Variants in ABCA13 observed in about 807,000 individuals in gnomAD.
ABCA13 encodes the protein ATP-binding cassette sub-family A member 13.
Under a neutral mutation model 478.7 loss-of-function variants are expected in ABCA13, and 476 were observed. That is an observed-to-expected ratio of 0.99 (90% CI 0.92 to 1.07). The LOEUF is 1.07. Among genes scored for constraint, ABCA13 ranks in the 50% least tolerant of loss-of-function variants. ABCA13 has a pLI of 0.00. For synonymous variants in ABCA13, 2,252 were observed against 2,158.9 expected (o/e 1.04, Z -1.20); for missense variants, 6,060 against 5,910.6 (o/e 1.03, Z -0.83).
chr7:48,588,746 G>C (rs549461645), intron 57 of ABCA13, among the ~76,000 whole-genome samples: 36 of 152,306 alleles, frequency 2.4e-4, no homozygotes, highest in African/African-American at 8.2e-4. Flanking sequence ...GTAAACCACA[G>C]TAAATATTCG....
At chr7:48,394,491 A>G (rs922089561) in intron 38 of ABCA13, among the ~76,000 whole-genome samples, 3 of 151,322 alleles carry the variant, frequency 2.0e-5, no homozygotes, top group African/African-American at 7.3e-5. Context: ...ACAACTTCCC[A>G]CTCACTCTCC....
At chr7:48,471,051 C>T (rs1254983762) in intron 44 of ABCA13, among the ~76,000 whole-genome samples, 1 of 152,096 alleles carries the variant, frequency 6.6e-6, no homozygotes, top group East Asian at 1.9e-4. Flanking sequence ...GTTTTCATAA[C>T]TGTTTCTGTT....
chr7:48,579,003 C>T (rs1036413851), intron 55 of ABCA13, among the ~76,000 whole-genome samples: 4 of 152,140 alleles, frequency 2.6e-5, no homozygotes, highest in African/African-American at 9.7e-5. Context: ...GGATCTATGA[C>T]CTGATTGTAA....
At chr7:48,592,340 G>A (rs530793323) in intron 57 of ABCA13, among the ~76,000 whole-genome samples, 1 of 151,644 alleles carries the variant, frequency 6.6e-6, no homozygotes, top group African/African-American at 2.4e-5. Context: ...TTGACCCATT[G>A]GTTGTTCAGG....
chr7:48,615,447 G>T, intron 59 of ABCA13, 70 bp downstream of exon 59: 2 of 1,394,716 alleles, frequency 1.4e-6, no homozygotes, highest in South Asian at 1.3e-5. Context: ...GGTTATGACT[G>T]GAGATGCTTT....
chr7:48,305,089 G>T (rs1431526019), intron 23 of ABCA13, among the ~76,000 whole-genome samples: 1 of 152,266 alleles, frequency 6.6e-6, no homozygotes, highest in East Asian at 1.9e-4. Context: ...TAGTAGTAAC[G>T]TCATTTTTGA....
intron 59 of ABCA13, among the ~76,000 whole-genome samples, chr7:48,642,935 C>G (rs1455346393): frequency 6.6e-6 from 1 of 152,224 alleles, no homozygotes; most frequent in African/African-American, 2.4e-5. Flanking sequence ...ATAAGGCCAG[C>G]AATCATGCTT....
intron 37 of ABCA13, among the ~76,000 whole-genome samples, chr7:48,391,443 A>C (rs1041162111): frequency 6.6e-6 from 1 of 152,192 alleles, no homozygotes; most frequent in Non-Finnish European, 1.5e-5. Context: ...TCATACAGCC[A>C]TTCTGCTTTT....
chr7:48,341,267 C>A (rs1325091868), intron 29 of ABCA13, among the ~76,000 whole-genome samples: 1 of 152,128 alleles, frequency 6.6e-6, no homozygotes, highest in African/African-American at 2.4e-5. Flanking sequence ...TATGTTGAGT[C>A]ATTTTGTCTG....
intron 20 of ABCA13, among the ~76,000 whole-genome samples, chr7:48,289,843 T>C (rs1163791279): frequency 1.3e-5 from 2 of 152,338 alleles, no homozygotes; most frequent in East Asian, 3.9e-4. Context: ...CTGTCTTTAA[T>C]GACAAAAATA....
chr7:48,282,327 T>C (rs1221861517), intron 19 of ABCA13, among the ~76,000 whole-genome samples: 1 of 152,154 alleles, frequency 6.6e-6, no homozygotes, highest in East Asian at 1.9e-4. Flanking sequence ...ACCACAGTTG[T>C]TTAAGTAATT....
intron 57 of ABCA13, among the ~76,000 whole-genome samples, chr7:48,591,259 G>T (rs1239114386): frequency 2.0e-5 from 3 of 151,846 alleles, no homozygotes; most frequent in African/African-American, 7.2e-5. Context: ...TAATTTCAGT[G>T]TATTTGTCAA....
intron 45 of ABCA13, among the ~76,000 whole-genome samples, chr7:48,475,124 C>G (rs1827937369): frequency 6.6e-6 from 1 of 152,170 alleles, no homozygotes; most frequent in Non-Finnish European, 1.5e-5. Context: ...TGCAAGAGTC[C>G]TTCCCTTTTG....
chr7:48,410,375 C>A, intron 39 of ABCA13, 145 bp from the exon 40 acceptor site: 1 of 965,244 alleles, frequency 1.0e-6, no homozygotes, highest in Non-Finnish European at 1.6e-6. Context: ...GCAAAGTGGC[C>A]AGGACGCATT....
At chr7:48,345,909 C>A (rs574272155) in intron 29 of ABCA13, among the ~76,000 whole-genome samples, 2 of 152,218 alleles carry the variant, frequency 1.3e-5, no homozygotes, top group East Asian at 3.9e-4. Context: ...CATTTAATAC[C>A]ATATAAAATC....
chr7:48,415,003 C>G (rs977614638), intron 41 of ABCA13, among the ~76,000 whole-genome samples: 3 of 152,172 alleles, frequency 2.0e-5, no homozygotes, highest in African/African-American at 7.2e-5. Flanking sequence ...AGACAGCAGT[C>G]TTCCCTGGGC....
At chr7:48,432,100 T>C (rs1822227633) in intron 42 of ABCA13, among the ~76,000 whole-genome samples, 1 of 152,158 alleles carries the variant, frequency 6.6e-6, no homozygotes, top group Admixed American at 6.5e-5. Context: ...AATATGTGTA[T>C]ACATTATATA....
At chr7:48,519,952 T>C in intron 52 of ABCA13, 89 bp from the exon 53 acceptor site, 1 of 1,342,728 alleles carries the variant, frequency 7.4e-7, no homozygotes, top group Non-Finnish European at 9.9e-7. Context: ...AACACAGAGC[T>C]AACCAAGGAG....
intron 45 of ABCA13, among the ~76,000 whole-genome samples, chr7:48,473,745 C>T (rs1486368274): frequency 1.3e-5 from 2 of 152,190 alleles, no homozygotes; most frequent in African/African-American, 4.8e-5. Flanking sequence ...TATCTCACTC[C>T]AGTGCCTCTC....
Sources: gnomAD v4.1 joint callset for allele counts (sites outside exome capture counted in the v4.1 genomes callset) on GRCh38, gnomAD v4.1.1 for gene constraint, MANE v1.5 for transcripts, NCBI Gene and HGNC (gene_info 2026-07-23, HGNC 2026-07-21) for gene names.